The following IL11RA variants were observed in gnomAD, a reference collection of about 807,000 sequenced individuals.
IL11RA encodes interleukin-11 receptor subunit alpha.
IL11RA carries 51 observed loss-of-function variants against 57.0 expected under a neutral mutation model. That is an observed-to-expected ratio of 0.89 (90% CI 0.71 to 1.13). The LOEUF (loss-of-function observed/expected upper bound fraction) is 1.13, where lower values mean the gene tolerates loss of function less well. IL11RA is among the 50% of genes most tolerant of loss of function. The pLI is 0.00. For missense variants in IL11RA, 498 were observed against 539.4 expected (o/e 0.92, Z 0.76); for synonymous variants, 199 against 217.5 (o/e 0.91, Z 0.75).
chr9:34,655,578 G>A (rs1394148500), intron 2 of IL11RA, 27 bp from the exon 3 acceptor site: 1 of 1,609,788 alleles, frequency 6.2e-7, no homozygotes, highest in Non-Finnish European at 8.5e-7. Context: ...TAAAGGAAGA[G>A]CCTTACCTCA....
Position 34,655,271 on chromosome 9 carries a change from C to T in IL11RA, c.54C>T (p.Ala18=), listed in dbSNP as rs1356504992. 3.7e-6 allele frequency: 6 copies of T among 1,611,828 alleles called. No homozygotes were observed. In the African/African-American group the frequency reaches 5.4e-5, roughly 14 times the overall value. The change falls in exon 2 of 13, where the codon GCC becomes GCT. Residue 18 remains alanine (A), a synonymous_variant. Transcript: ENST00000441545. ...GGGTCCTGGTGGCCGTGGCTACAGC[C>T]CTGGTGTCTGCCTCCTCCCCCTGCC... ...LSRVLVAVAT[A]LVSASSPCPQ...
chr9:34,657,211 G>A, intron 5 of IL11RA, 62 bp downstream of exon 5: 3 of 1,605,866 alleles, frequency 1.9e-6, no homozygotes, highest in South Asian at 2.2e-5. Context: ...ATGTGGGTGT[G>A]GGAGGCAGGG....
chr9:34,658,268 G>A lies in IL11RA; in HGVS notation c.647-252G>A, dbSNP rs767046052. 5.3e-5 allele frequency among the ~76,000 whole-genome samples: 8 copies of A among 152,098 alleles called. No homozygotes were observed. The highest frequency in any genetic ancestry group is 1.2e-4 in the African/African-American group (5 of 41,432). The stretch of plus-strand genomic sequence containing the variant: ...CGTTGCCCACGCTGGTCTCAAACTC[G>A]TGGCATCAAGTGATCCTCCCGCCTC... On this transcript the variant is annotated intron_variant, in intron 7 of 12. Coordinates refer to ENST00000441545, the MANE Select transcript of IL11RA (RefSeq NM_001142784.3). The surrounding 1 kb of genome is among the most constrained non-coding windows in gnomAD (Gnocchi z 4.0).
At position 34,659,549 on chromosome 9, in the gene IL11RA, G is replaced by A. The variant is rs527548366; in HGVS notation, c.811-210G>A. Among the ~76,000 whole-genome samples, 5 of 152,332 alleles carry A rather than the reference G, an allele frequency of 3.3e-5. No individual in the cohort carries two copies. The East Asian group carries it at 9.6e-4, about 29-fold the overall frequency. Reference sequence around the variant, plus strand: ...TTCACCAAAGATTTGAACCCAGGCTGCCTGATGCCACAGCCTCTCTAAGTA... The same window carrying A: ...TTCACCAAAGATTTGAACCCAGGCTACCTGATGCCACAGCCTCTCTAAGTA... On this transcript the variant is annotated intron_variant, in intron 8 of 12. Coordinates refer to ENST00000441545, the MANE Select transcript of IL11RA (RefSeq NM_001142784.3).
chr9:34,655,459 ACCTCTGTCT>A, intron 2 of IL11RA, 137 bp from the exon 3 acceptor site: 1 of 876,614 alleles, frequency 1.1e-6, no homozygotes, highest in Non-Finnish European at 1.9e-6. Context: ...CTGTTCTCTG[ACCTCTGTCT>A]CCAGATTATA....
At chr9:34,652,563 T>G (rs1821273748) in intron 1 of IL11RA, among the ~76,000 whole-genome samples, 1 of 152,040 alleles carries the variant, frequency 6.6e-6, no homozygotes, top group South Asian at 2.1e-4. Flanking sequence ...GAATGTGTTT[T>G]GGGAAGGTCT....
chr9:34,655,570 A>G, intron 2 of IL11RA, 35 bp from the exon 3 acceptor site: 1 of 1,604,958 alleles, frequency 6.2e-7, no homozygotes, highest in South Asian at 1.1e-5. Flanking sequence ...GAGGGGGGTA[A>G]AGGAAGAGCC....
rs1479739992 is a variant in IL11RA at position 34,658,749 on chromosome 9, G to T, written c.810+66G>T. The stretch of plus-strand genomic sequence containing the variant: ...TGTCTCTGATTTCACGATCCTGGGT[G>T]TTCTGTATAGCTTTCCAGTGCTGGC... On this transcript the variant is annotated intron_variant, in intron 8 of 12. Coordinates refer to ENST00000441545, the MANE Select transcript of IL11RA (RefSeq NM_001142784.3). The surrounding 1 kb of genome is among the most constrained non-coding windows in gnomAD (Gnocchi z 4.0). The T allele has an allele frequency of 2.6e-6, 4 of 1,555,730 alleles. No individual in the cohort carries two copies. Among genetic ancestry groups the T allele is most frequent in the Non-Finnish European group, 3.5e-6 (4 of 1,139,580 alleles).
intron 1 of IL11RA, chr9:34,655,004 T>TGG: frequency 1.8e-6 from 1 of 552,432 alleles, no homozygotes. Context: ...CGTGTGTGTG[T>TGG]GTGTGTGTGT....
chr9:34,654,982 G>GGTGTGTGTGTCCGT, intron 1 of IL11RA: 1 of 507,868 alleles, frequency 2.0e-6, no homozygotes, highest in Non-Finnish European at 3.6e-6. Context: ...GGTGTGAGGG[G>GGTGTGTGTGTCCGT]GTGTGTGTGT....
In IL11RA at chr9:34,658,535, C is replaced by G. The variant is rs387906785; in HGVS notation, c.662C>G (p.Pro221Arg). 6.2e-6 allele frequency: 10 copies of G among 1,614,194 alleles called. No individual in the cohort carries two copies. The South Asian group carries it at 9.9e-5, about 16-fold the overall frequency. ...ATGCCCTTAGTGCGCCCTGACCCAC[C>G]CCAGGGCCTGCGGGTAGAGTCAGTA... ...SLQSILRPDP[P>R]QGLRVESVPG... Residue 221 changes from proline (P) to arginine (R), a missense_variant, in exon 8 of 13, where the codon CCC (proline) becomes CGC (arginine). Coordinates refer to ENST00000441545, the MANE Select transcript of IL11RA (RefSeq NM_001142784.3). The surrounding 1 kb of genome is among the most constrained non-coding windows in gnomAD (Gnocchi z 4.0).
intron 1 of IL11RA, among the ~76,000 whole-genome samples, chr9:34,654,302 C>T (rs1821301493): frequency 6.6e-6 from 1 of 152,132 alleles, no homozygotes; most frequent in Non-Finnish European, 1.5e-5. Context: ...CCGCTGACCC[C>T]AATCCAGTCT....
In IL11RA at chr9:34,653,489, C is replaced by T. The variant is rs1355620805; in HGVS notation, c.-1+1256C>T. Among the ~76,000 whole-genome samples, 1 of 152,184 alleles carries T rather than the reference C, an allele frequency of 6.6e-6. No homozygotes were observed. Among genetic ancestry groups the T allele is most frequent in the African/African-American group, 2.4e-5 (1 of 41,446 alleles). ...TCCCCCAACCTGGGGCCTCCCTTCC[C>T]CTGGAAGCACAGCCAGCTGTACCCT... On this transcript the variant is annotated intron_variant, in intron 1 of 12. Coordinates refer to ENST00000441545, the MANE Select transcript of IL11RA (RefSeq NM_001142784.3). This position sits in a 1 kb window ranked among gnomAD's most constrained non-coding sequence, Gnocchi z 4.5.
chr9:34,660,874 G>A lies in IL11RA; in HGVS notation c.1190G>A (p.Gly397Glu), dbSNP rs1405925049. ...LGLWLRLRRG[G>E]KDGSPKPGFL... Reference sequence around the variant, plus strand: ...CCCAGGCTGAGGCTGAGACGGGGTGGGAAGGATGGATCCCCAAAGCCTGGG... The same window carrying A: ...CCCAGGCTGAGGCTGAGACGGGGTGAGAAGGATGGATCCCCAAAGCCTGGG... The change falls in exon 12 of 13, where the codon GGG becomes GAG. Residue 397 changes from glycine to glutamate, a missense_variant. Physicochemically the swap from Gly to Glu is moderately conservative, Grantham distance 98 (BLOSUM62 -2). Transcript: ENST00000441545. 6.2e-7 allele frequency: 1 copy of A among 1,614,058 alleles called. No homozygotes were observed. The highest frequency in any genetic ancestry group is 8.5e-7 in the Non-Finnish European group (1 of 1,180,006).
rs372280672 is a variant in IL11RA, at chr9:34,652,914, C to T, written c.-1+681C>T. On this transcript the variant is annotated intron_variant, in intron 1 of 12. Transcript: ENST00000441545. Reference sequence around the variant, plus strand: ...GCTTGGCTCAGTTTCCCTTACGTGCCGTTTTCTGTCCCTATTGCTGTCTTA... The same window carrying T: ...GCTTGGCTCAGTTTCCCTTACGTGCTGTTTTCTGTCCCTATTGCTGTCTTA... Among the ~76,000 whole-genome samples, 5 of 152,108 alleles carry T rather than the reference C, an allele frequency of 3.3e-5. No homozygotes were observed. In the East Asian group the frequency reaches 5.8e-4, roughly 18 times the overall value.
intron 11 of IL11RA, 69 bp downstream of exon 11, chr9:34,660,669 C>A: frequency 7.3e-7 from 1 of 1,370,350 alleles, no homozygotes; most frequent in Non-Finnish European, 1.0e-6. Context: ...AGACCACATT[C>A]ATCTCCACCC....
In IL11RA at chr9:34,658,708, C is replaced by G; in HGVS notation, c.810+25C>G. 1 of 1,607,644 alleles carries G rather than the reference C, an allele frequency of 6.2e-7. No individual in the cohort carries two copies. Among genetic ancestry groups the G allele is most frequent in the South Asian group, 1.1e-5 (1 of 91,068 alleles). Reference sequence around the variant, plus strand: ...GGTGAGGCCTGGAGTGCGTCCCAACCCACGGCTGTGGGTCCTGTCTCTGAT... The same window carrying G: ...GGTGAGGCCTGGAGTGCGTCCCAACGCACGGCTGTGGGTCCTGTCTCTGAT... On this transcript the variant is annotated intron_variant, in intron 8 of 12. Transcript: ENST00000441545. This position sits in a 1 kb window ranked among gnomAD's most constrained non-coding sequence, Gnocchi z 4.0.
At position 34,657,278 on chromosome 9, in the gene IL11RA, C is replaced by T; in HGVS notation, c.447-25C>T. Reference sequence around the variant, plus strand: ...CAGAAGGCCCTCTTTTCCTTCCTGACTTCAGATGGCCCCCTCCCCACCAGG... The same window carrying T: ...CAGAAGGCCCTCTTTTCCTTCCTGATTTCAGATGGCCCCCTCCCCACCAGG... On this transcript the variant is annotated intron_variant, in intron 5 of 12. Transcript: ENST00000441545. 1.9e-6 allele frequency: 3 copies of T among 1,614,132 alleles called. No individual in the cohort carries two copies. The South Asian group carries it at 3.3e-5, about 18-fold the overall frequency.
Position 34,658,557 on chromosome 9 carries a change from AG to A in IL11RA, c.685del (p.Val229TyrfsTer51), listed in dbSNP as rs766309659. On this transcript the variant is annotated frameshift_variant, in exon 8 of 13. Transcript: ENST00000441545. LOFTEE classifies it high-confidence loss of function. This position sits in a 1 kb window ranked among gnomAD's most constrained non-coding sequence, Gnocchi z 4.0. ...CACCCCAGGGCCTGCGGGTAGAGTCAGTACCAGGTTACCCCCGACGCCTGCG... is the reference window on the plus strand; with the variant it reads ...CACCCCAGGGCCTGCGGGTAGAGTCATACCAGGTTACCCCCGACGCCTGCG... ...DPPQGLRVES[V>X]PGYPRRLRAS... 3.1e-6 allele frequency: 5 copies of A among 1,614,056 alleles called. No homozygotes were observed. In the Admixed American group the frequency reaches 8.3e-5, roughly 27 times the overall value.
Sources: allele counts gnomAD v4.1 joint callset (sites outside exome capture counted in the v4.1 genomes callset), GRCh38; gene constraint gnomAD v4.1.1; non-coding constraint Gnocchi (gnomAD v3.1); transcripts MANE v1.5; gene names NCBI Gene and HGNC (gene_info 2026-07-23, HGNC 2026-07-21).